NGEF: variants seen among roughly 807,000 people sequenced by gnomAD.
NGEF encodes the protein ephexin-1.
Under a neutral mutation model 80.9 loss-of-function variants are expected in NGEF, and 31 were observed. That is an observed-to-expected ratio of 0.38 (90% CI 0.29 to 0.52). The LOEUF (loss-of-function observed/expected upper bound fraction) is 0.52. NGEF is among the 20% of genes least tolerant of loss of function. The pLI, the probability that NGEF is intolerant of heterozygous loss-of-function variation, is 0.84. For missense variants in NGEF, 709 were observed against 926.2 expected, an observed-to-expected ratio of 0.77 and a Z score of 3.04; for synonymous variants, 371 against 370.2, an observed-to-expected ratio of 1.00 and a Z score of -0.03.
chr2:232,883,770 C>G (rs1691589132), intron 11 of NGEF, among the ~76,000 whole-genome samples: 1 of 152,224 alleles, frequency 6.6e-6, no homozygotes, highest in South Asian at 2.1e-4. Context: ...AGTAAAACCC[C>G]CACTTTACAG....
At chr2:232,887,042 A>C (rs957724953) in intron 9 of NGEF, among the ~76,000 whole-genome samples, 2 of 152,254 alleles carry the variant, frequency 1.3e-5, no homozygotes, top group African/African-American at 4.8e-5. Context: ...CGACTGCAAT[A>C]GGGTAGGAAG....
intron 1 of NGEF, among the ~76,000 whole-genome samples, chr2:232,998,176 T>C (rs1276654560): frequency 1.3e-5 from 2 of 152,060 alleles, no homozygotes; most frequent in African/African-American, 4.8e-5. Context: ...AGCGCTGAGA[T>C]AGGCCCTTTC....
intron 3 of NGEF, among the ~76,000 whole-genome samples, chr2:232,959,022 A>G (rs1693890876): frequency 6.6e-6 from 1 of 152,240 alleles, no homozygotes; most frequent in Non-Finnish European, 1.5e-5. Context: ...GCATGCCTAA[A>G]GAGATTATCA....
chr2:232,931,672 G>A (rs1026356627), intron 3 of NGEF, among the ~76,000 whole-genome samples: 3 of 152,196 alleles, frequency 2.0e-5, no homozygotes, highest in African/African-American at 7.2e-5. Context: ...GAATAGAGGT[G>A]AGATTCTACC....
intron 5 of NGEF, among the ~76,000 whole-genome samples, chr2:232,912,255 G>T (rs1321338839): frequency 6.6e-6 from 1 of 152,112 alleles, no homozygotes; most frequent in Non-Finnish European, 1.5e-5. Flanking sequence ...TGCATCAATT[G>T]TTGTAGTAAC....
intron 3 of NGEF, among the ~76,000 whole-genome samples, chr2:232,953,670 G>A (rs530627589): frequency 1.3e-5 from 2 of 152,254 alleles, no homozygotes; most frequent in Non-Finnish European, 2.9e-5. Context: ...CAGTTCTGGT[G>A]CTCCAGGATG....
intron 8 of NGEF, chr2:232,890,804 T>G (rs1691857893): frequency 2.4e-6 from 1 of 423,492 alleles, no homozygotes; most frequent in Non-Finnish European, 4.9e-6. Context: ...GTGGGTCCGA[T>G]CAGGTGACTC....
intron 3 of NGEF, among the ~76,000 whole-genome samples, chr2:232,967,348 T>A (rs142115564): frequency 0.018 from 2,727 of 152,190 alleles, 38 homozygotes; most frequent in Non-Finnish European, 0.026. Flanking sequence ...TTATTATTAT[T>A]TTTTGAGACA....
intron 5 of NGEF, among the ~76,000 whole-genome samples, chr2:232,897,474 C>A (rs1490199756): frequency 6.6e-6 from 1 of 152,134 alleles, no homozygotes; most frequent in African/African-American, 2.4e-5. Flanking sequence ...GCTGCCACCT[C>A]CCAGGTAGCG....
intron 3 of NGEF, among the ~76,000 whole-genome samples, chr2:232,930,362 C>G (rs1693193801): frequency 3.3e-5 from 5 of 151,798 alleles, no homozygotes; most frequent in Admixed American, 2.0e-4. Flanking sequence ...CTCTGTTGCC[C>G]AGGCTGGAGT....
intron 1 of NGEF, among the ~76,000 whole-genome samples, chr2:233,007,220 A>C (rs1695102749): frequency 1.3e-5 from 2 of 152,156 alleles, no homozygotes; most frequent in African/African-American, 4.8e-5. Flanking sequence ...CTCCAGCCTG[A>C]GCAACAGAGC....
At chr2:232,982,181 A>G (rs936337664) in intron 1 of NGEF, among the ~76,000 whole-genome samples, 8 of 152,200 alleles carry the variant, frequency 5.3e-5, no homozygotes, top group Non-Finnish European at 1.2e-4. Context: ...GCTGCTGCCC[A>G]GCAGGTGACA....
intron 10 of NGEF, 182 bp downstream of exon 10, chr2:232,885,098 T>C (rs1391451264): frequency 1.7e-6 from 1 of 599,514 alleles, no homozygotes; most frequent in Middle Eastern, 4.4e-4. Flanking sequence ...CGTGGTGGTG[T>C]CTGACGCCTG....
chr2:232,964,615 G>A (rs1056947404), intron 3 of NGEF, among the ~76,000 whole-genome samples: 2 of 152,222 alleles, frequency 1.3e-5, no homozygotes, highest in African/African-American at 2.4e-5. Context: ...TTGAACCTGG[G>A]AGGTGGAGGT....
intron 10 of NGEF, among the ~76,000 whole-genome samples, chr2:232,884,353 TGA>T (rs1355906059): frequency 6.6e-6 from 1 of 152,164 alleles, no homozygotes; most frequent in African/African-American, 2.4e-5. Flanking sequence ...CCTGTGGGCA[TGA>T]GTGTGCTATG....
intron 5 of NGEF, among the ~76,000 whole-genome samples, chr2:232,902,713 C>A (rs1692390324): frequency 6.6e-6 from 1 of 152,218 alleles, no homozygotes; most frequent in East Asian, 1.9e-4. Flanking sequence ...GTTAAAACCA[C>A]AACGAGGCCG....
intron 3 of NGEF, among the ~76,000 whole-genome samples, chr2:232,934,988 A>G: frequency 6.6e-6 from 1 of 151,906 alleles, no homozygotes; most frequent in East Asian, 1.9e-4. Context: ...AGCCTGGGCA[A>G]CAGAGTGAGA....
intron 5 of NGEF, among the ~76,000 whole-genome samples, chr2:232,897,278 GA>G (rs1337212965): frequency 6.6e-6 from 1 of 151,996 alleles, no homozygotes; most frequent in Non-Finnish European, 1.5e-5. Context: ...TCCAGGGTTA[GA>G]GGCATTTGTT....
At chr2:232,916,337 G>A (rs1010083189) in intron 5 of NGEF, among the ~76,000 whole-genome samples, 2 of 152,194 alleles carry the variant, frequency 1.3e-5, no homozygotes, top group Non-Finnish European at 2.9e-5. Flanking sequence ...GAGAAGTTAA[G>A]TAATTTGCCT....
Sources: allele counts gnomAD v4.1 joint callset (sites outside exome capture counted in the v4.1 genomes callset), GRCh38; gene constraint gnomAD v4.1.1; transcripts MANE v1.5; gene names NCBI Gene and HGNC (gene_info 2026-07-23, HGNC 2026-07-21).